The following PRKN variants were observed in gnomAD, a reference collection of about 807,000 sequenced individuals.
The protein encoded by PRKN is parkin RBR E3 ubiquitin protein ligase.
A neutral mutation model predicts 59.5 loss-of-function variants in PRKN; 56 were observed. The ratio of observed to expected loss-of-function variants is 0.94; its 90% CI spans 0.76 to 1.18. The LOEUF (loss-of-function observed/expected upper bound fraction) is 1.18, where lower values mean the gene tolerates loss of function less well. PRKN is among the 50% of genes most tolerant of loss of function. The pLI, the probability that PRKN is intolerant of heterozygous loss-of-function variation, is 0.00. For synonymous variants in PRKN, 250 were observed against 222.1 expected (o/e 1.13, Z -1.12); for missense variants, 657 against 596.4 (o/e 1.10, Z -1.06).
intron 2 of PRKN, among the ~76,000 whole-genome samples, chr6:162,442,863 G>A (rs1790124648): frequency 6.6e-6 from 1 of 152,186 alleles, no homozygotes; most frequent in South Asian, 2.1e-4. Context: ...GCGCAGCATA[G>A]CAGCAGCCCT....
intron 7 of PRKN, among the ~76,000 whole-genome samples, chr6:161,688,927 T>C (rs1441041584): frequency 6.6e-6 from 1 of 152,144 alleles, no homozygotes. Context: ...GAGAAATGAT[T>C]GCCAATTCAT....
At chr6:162,686,660 C>T (rs1309982391) in intron 1 of PRKN, among the ~76,000 whole-genome samples, 1 of 152,130 alleles carries the variant, frequency 6.6e-6, no homozygotes, top group East Asian at 1.9e-4. Flanking sequence ...GCCTGTAATC[C>T]TACCACTTTG....
chr6:162,085,417 T>C (rs546913395), intron 4 of PRKN, among the ~76,000 whole-genome samples: 5 of 152,222 alleles, frequency 3.3e-5, no homozygotes, highest in Admixed American at 2.6e-4. Context: ...TATTCAGTTA[T>C]TGAAATGATT....
intron 7 of PRKN, among the ~76,000 whole-genome samples, chr6:161,586,489 C>T (rs754150452): frequency 1.3e-5 from 2 of 152,196 alleles, no homozygotes; most frequent in Non-Finnish European, 1.5e-5. Flanking sequence ...TCTGTGCCAA[C>T]ACCTTAAGCT....
rs1780428903 is a variant in PRKN at position 161,560,770 on chromosome 6, A to C, written c.933+8585T>G. 6.6e-6 allele frequency among the ~76,000 whole-genome samples: 1 copy of C among 152,122 alleles called. No homozygotes were observed. Among genetic ancestry groups the C allele is most frequent in the Non-Finnish European group, 1.5e-5 (1 of 68,014 alleles). On this transcript the variant is annotated intron_variant, in intron 8 of 11. Transcript: ENST00000366898. The surrounding 1 kb of genome is among the most constrained non-coding windows in gnomAD (Gnocchi z 4.9). The stretch of plus-strand genomic sequence containing the variant: ...TTGCTAAAGTATGAACATTGCTTAA[A>C]TTCTTCAACTTCATCAAGACGTCTA...
intron 5 of PRKN, among the ~76,000 whole-genome samples, chr6:162,034,141 T>TTGTG (rs150558275): frequency 3.4e-5 from 5 of 145,696 alleles, no homozygotes; most frequent in African/African-American, 1.0e-4. Flanking sequence ...GGTCATTCAA[T>TTGTG]TGTGTGTGTG....
chr6:161,577,999 C>T (rs1781198451), intron 7 of PRKN, among the ~76,000 whole-genome samples: 1 of 152,066 alleles, frequency 6.6e-6, no homozygotes, highest in Admixed American at 6.5e-5. Context: ...TGCGTAACGC[C>T]AGGGGCCATA....
intron 9 of PRKN, among the ~76,000 whole-genome samples, chr6:161,430,814 CAAAAAAAA>C (rs35611748): frequency 6.9e-5 from 4 of 58,340 alleles, no homozygotes; most frequent in East Asian, 1.1e-3. Flanking sequence ...GACTCCGTCT[CAAAAAAAA>C]AAAAAAAAAA....
chr6:162,691,886 G>C (rs761429883), intron 1 of PRKN, among the ~76,000 whole-genome samples: 1 of 151,940 alleles, frequency 6.6e-6, no homozygotes, highest in African/African-American at 2.4e-5. Context: ...ACGCAAATAC[G>C]TTGGGCTATT....
chr6:161,714,503 T>C (rs1786889753), intron 7 of PRKN, among the ~76,000 whole-genome samples: 1 of 152,206 alleles, frequency 6.6e-6, no homozygotes, highest in Admixed American at 6.5e-5. Flanking sequence ...CTGAAGTCTT[T>C]ATCTTGGACT....
At chr6:161,963,553 G>C (rs1780466393) in intron 6 of PRKN, among the ~76,000 whole-genome samples, 1 of 152,178 alleles carries the variant, frequency 6.6e-6, no homozygotes, top group Admixed American at 6.5e-5. Flanking sequence ...TAATATGGCA[G>C]CATAATCTAT....
chr6:162,367,613 T>C (rs181630806), intron 2 of PRKN, among the ~76,000 whole-genome samples: 34 of 152,256 alleles, frequency 2.2e-4, no homozygotes, highest in Admixed American at 2.0e-3. Context: ...AAAAGGAGTA[T>C]AAATTATTTC....
rs561211225 is a variant in PRKN at position 161,377,484 on chromosome 6, G to A, written c.1167+9310C>T. ...TCACAATTGAGTTAGCTTAACATAC[G>A]GCTGCAAGCCAAAAATGCACTGTCG... On this transcript the variant is annotated intron_variant, in intron 10 of 11. Transcript: ENST00000366898. This position sits in a 1 kb window ranked among gnomAD's most constrained non-coding sequence, Gnocchi z 4.2. Among the ~76,000 whole-genome samples, 19 of 152,324 alleles carry A rather than the reference G, an allele frequency of 1.2e-4. No individual in the cohort carries two copies. The highest frequency in any genetic ancestry group is 1.1e-3 in the Admixed American group (17 of 15,306).
chr6:161,411,872 CTTCA>C (rs1359716612), intron 9 of PRKN, among the ~76,000 whole-genome samples: 1 of 149,756 alleles, frequency 6.7e-6, no homozygotes. Context: ...CCCATTCCTT[CTTCA>C]TTCATTCCTT....
chr6:162,378,032 C>T (rs1054783760), intron 2 of PRKN, among the ~76,000 whole-genome samples: 5 of 152,148 alleles, frequency 3.3e-5, no homozygotes, highest in African/African-American at 7.2e-5. Context: ...ACAATCCATT[C>T]CCTTTCTCGT....
At chr6:162,725,787 A>AT (rs1779141332) in intron 1 of PRKN, among the ~76,000 whole-genome samples, 1 of 147,628 alleles carries the variant, frequency 6.8e-6, no homozygotes, top group African/African-American at 2.5e-5. Flanking sequence ...AAAAAAAAAA[A>AT]GACGTGTGTC....
intron 7 of PRKN, among the ~76,000 whole-genome samples, chr6:161,651,886 T>C (rs542623273): frequency 2.6e-5 from 4 of 152,322 alleles, no homozygotes; most frequent in Admixed American, 1.3e-4. Context: ...TCCTCCATTA[T>C]ATAATAGGAA....
At chr6:161,422,784 G>A (rs1788161286) in intron 9 of PRKN, among the ~76,000 whole-genome samples, 1 of 152,162 alleles carries the variant, frequency 6.6e-6, no homozygotes, top group Admixed American at 6.5e-5. Context: ...AAATGCCCCA[G>A]AGGCAAATGA....
Position 162,143,356 on chromosome 6 carries a change from G to A in PRKN, c.534+57775C>T, listed in dbSNP as rs145986416. On this transcript the variant is annotated intron_variant, in intron 4 of 11. Coordinates refer to ENST00000366898, the MANE Select transcript of PRKN (RefSeq NM_004562.3). ...CTTTCTTCTTCTTGCTTGCACTATG[G>A]ACTTGATGGCTGATGTGCCATAGAA... Among the ~76,000 whole-genome samples the A allele has an allele frequency of 2.6e-4, 39 of 152,246 alleles. No individual in the cohort carries two copies. In the East Asian group the frequency reaches 6.2e-3, roughly 24 times the overall value.
Sources: gnomAD v4.1 joint callset for allele counts (sites outside exome capture counted in the v4.1 genomes callset) on GRCh38, gnomAD v4.1.1 for gene constraint, Gnocchi (gnomAD v3.1) non-coding constraint, MANE v1.5 for transcripts, NCBI Gene and HGNC (gene_info 2026-07-23, HGNC 2026-07-21) for gene names.